SZT2: variants seen among roughly 807,000 people sequenced by gnomAD.
The protein encoded by SZT2 is SZT2 subunit of KICSTOR complex.
SZT2 carries 216 observed loss-of-function variants against 404.2 expected under a neutral mutation model. The ratio of observed to expected loss-of-function variants is 0.53; its 90% CI spans 0.48 to 0.60. The LOEUF is 0.60. Among genes scored for constraint, SZT2 ranks in the 20% least tolerant of loss-of-function variants. The probability of loss-of-function intolerance (pLI) is 0.00; values close to 1 mark genes in which losing one functional copy is unlikely to be tolerated. For synonymous variants in SZT2, 1,693 were observed against 1,749.9 expected (o/e 0.97, Z 0.81); for missense variants, 3,857 against 4,459.2 (o/e 0.86, Z 3.85).
chr1:43,438,664 CA>C (rs1557584636), intron 46 of SZT2, 34 bp from the exon 47 acceptor site: 8 of 1,595,156 alleles, frequency 5.0e-6, no homozygotes, highest in Non-Finnish European at 6.9e-6. Context: ...GATCCTCTAC[CA>C]GTGTCCCCAC....
chr1:43,453,854 CGGGCGGCGGGCGG>C lies in SZT2; in HGVS notation c.*3381_*3393del. On this transcript the variant is annotated 3_prime_UTR_variant, in exon 72 of 72. Transcript: ENST00000634258. ...TCCAAAGGCGGCGGGCGGCGGGCGGCGGGCGGCGGGCGGGGGCGGGGCTCTCCTTGCTGGCCCT... is the reference window on the plus strand; with the variant it reads ...TCCAAAGGCGGCGGGCGGCGGGCGGCGGGCGGGGCTCTCCTTGCTGGCCCT... The C allele has an allele frequency of 1.1e-6, 1 of 921,664 alleles. No individual in the cohort carries two copies. 57.1% of individuals were successfully genotyped at this position (921,664 alleles called of 1,614,324 possible).
chr1:43,399,593 C>G (rs940912249), intron 1 of SZT2, among the ~76,000 whole-genome samples: 40 of 151,390 alleles, frequency 2.6e-4, no homozygotes, highest in Admixed American at 2.2e-3. Context: ...TCCTGAGTAG[C>G]TGGGACTACA....
At chr1:43,410,060 A>G (rs1309490426) in intron 4 of SZT2, 2 of 152,232 alleles carry the variant, frequency 1.3e-5, no homozygotes, top group African/African-American at 4.8e-5. Flanking sequence ...GCATAAAAAC[A>G]GACACATAGA....
In SZT2 at chr1:43,432,327, GCTT is replaced by G. The variant is rs759444473; in HGVS notation, c.5337_5339del (p.Phe1780del). On this transcript the variant is annotated inframe_deletion, in exon 37 of 72. Coordinates refer to ENST00000634258, the MANE Select transcript of SZT2 (RefSeq NM_001365999.1). The stretch of plus-strand genomic sequence containing the variant: ...GTTCTTCTTGAAGACCCTGACAGTG[GCTT>G]CTTCTTTGTGGCAGCTGGCCAACAG... The G allele has an allele frequency of 2.7e-5, 44 of 1,604,778 alleles. No individual in the cohort carries two copies. Among genetic ancestry groups the G allele is most frequent in the Non-Finnish European group, 3.5e-5 (41 of 1,176,412 alleles).
chr1:43,450,300 T>C lies in SZT2; in HGVS notation c.10156-37T>C. ...CTGCCTCCTATCCCCACCCATGCCC[T>C]CCTCTCACCAGTGCATCCCCACCGT... is the stretch of plus-strand genomic sequence containing the variant. On this transcript the variant is annotated intron_variant, in intron 71 of 71. Transcript: ENST00000634258. This position sits in a 1 kb window ranked among gnomAD's most constrained non-coding sequence, Gnocchi z 4.3. The C allele has an allele frequency of 5.0e-6, 8 of 1,613,490 alleles. No individual in the cohort carries two copies. The highest frequency in any genetic ancestry group is 6.8e-6 in the Non-Finnish European group (8 of 1,179,618).
At position 43,451,672 on chromosome 1, in the gene SZT2, T is replaced by C. The variant is rs145419603; in HGVS notation, c.*1192T>C. On this transcript the variant is annotated 3_prime_UTR_variant, in exon 72 of 72. Coordinates refer to ENST00000634258, the MANE Select transcript of SZT2 (RefSeq NM_001365999.1). ...CCAACAATGGGCAGGAACTCCCGGATGTTTCCTGTCAGGTTCCCATCCATG... is the reference window on the plus strand; with the variant it reads ...CCAACAATGGGCAGGAACTCCCGGACGTTTCCTGTCAGGTTCCCATCCATG... 67 of 1,614,156 alleles carry C rather than the reference T, an allele frequency of 4.2e-5. No homozygotes were observed. The highest frequency in any genetic ancestry group is 5.2e-5 in the Non-Finnish European group (61 of 1,180,016).
In SZT2 at chr1:43,404,898, G is replaced by T. The variant is rs536148677; in HGVS notation, c.498+348G>T. 19 of 190,174 alleles carry T rather than the reference G, an allele frequency of 1.0e-4. No homozygotes were observed. The South Asian group carries it at 2.1e-3, about 21-fold the overall frequency. The allele number at this position is 190,174 out of a possible 1,614,324, so 11.8% of individuals were successfully genotyped here. On this transcript the variant is annotated intron_variant, in intron 4 of 71. Coordinates refer to ENST00000634258, the MANE Select transcript of SZT2 (RefSeq NM_001365999.1). ...ATGGTTTGCTGATGCGCTGGCTCTG[G>T]CTAGTACCCTCAGGAGATGGTCTTT...
intron 42 of SZT2, 23 bp downstream of exon 42, chr1:43,435,352 C>A (rs1285238488): frequency 6.2e-7 from 1 of 1,613,192 alleles, no homozygotes; most frequent in Non-Finnish European, 8.5e-7. Context: ...CCAGGAGCCT[C>A]CCTCACAAGG....
chr1:43,453,952 T>G lies in SZT2; in HGVS notation c.*3472T>G, dbSNP rs1656761676. On this transcript the variant is annotated 3_prime_UTR_variant, in exon 72 of 72. Coordinates refer to ENST00000634258, the MANE Select transcript of SZT2 (RefSeq NM_001365999.1). ...CGAAGTGCTGTAAAAACCCGGGCCT[T>G]CACGAAAAGCGCCTACGGTTAGCGA... The G allele has an allele frequency of 8.3e-7, 1 of 1,198,938 alleles. No individual in the cohort carries two copies. Among genetic ancestry groups the G allele is most frequent in the Admixed American group, 4.4e-5 (1 of 22,506 alleles). The allele number at this position is 1,198,938 out of a possible 1,614,324, so 74.3% of individuals were successfully genotyped here.
intron 27 of SZT2, 59 bp downstream of exon 27, chr1:43,428,177 A>G: frequency 6.2e-7 from 1 of 1,611,922 alleles, no homozygotes; most frequent in Admixed American, 1.7e-5. Flanking sequence ...CAGGGATTAC[A>G]GGGTGGGGAC....
chr1:43,452,049 T>C lies in SZT2; in HGVS notation c.*1569T>C. On this transcript the variant is annotated 3_prime_UTR_variant, in exon 72 of 72. Transcript: ENST00000634258. The stretch of plus-strand genomic sequence containing the variant: ...GTCGGGTGCTGTGAATAGAGCTCCT[T>C]CCCAAGTTTGTCCCCCATCAGTCAG... 2 of 1,579,994 alleles carry C rather than the reference T, an allele frequency of 1.3e-6. No individual in the cohort carries two copies. Among genetic ancestry groups the C allele is most frequent in the Non-Finnish European group, 1.7e-6 (2 of 1,157,622 alleles).
chr1:43,423,095 T>G lies in SZT2; in HGVS notation c.2038-4T>G, dbSNP rs1333109691. On this transcript the variant is annotated splice_polypyrimidine_tract_variant and splice_region_variant and intron_variant, in intron 14 of 71. Transcript: ENST00000634258. ...AAGAGGATGTGACCACATTTTCCCC[T>G]CAGATTGTGTCAGGCTTGAGGGAAG... The G allele has an allele frequency of 3.8e-6, 6 of 1,583,286 alleles. No individual in the cohort carries two copies. The highest frequency in any genetic ancestry group is 5.1e-6 in the Non-Finnish European group (6 of 1,172,724).
intron 1 of SZT2, among the ~76,000 whole-genome samples, chr1:43,392,559 C>T (rs952325277): frequency 2.0e-5 from 3 of 152,076 alleles, no homozygotes; most frequent in Admixed American, 6.5e-5. Flanking sequence ...GGACTACAGG[C>T]GCCTGCTACC....
chr1:43,423,829 C>A (rs1311542694), intron 15 of SZT2, among the ~76,000 whole-genome samples: 1 of 146,566 alleles, frequency 6.8e-6, no homozygotes, highest in African/African-American at 2.6e-5. Context: ...TATGGAAGGG[C>A]GTGGCTTAGC....
At chr1:43,445,457 C>T (rs946753579) in intron 62 of SZT2, 10 of 261,320 alleles carry the variant, frequency 3.8e-5, no homozygotes, top group South Asian at 2.9e-4. Flanking sequence ...TAAACTGTAA[C>T]GAGCAGTAGG....
In SZT2 at chr1:43,450,076, G is replaced by C. The variant is rs554695996; in HGVS notation, c.10087-27G>C. On this transcript the variant is annotated intron_variant, in intron 70 of 71. Transcript: ENST00000634258. The surrounding 1 kb of genome is among the most constrained non-coding windows in gnomAD (Gnocchi z 4.3). ...CCCTGTGGGAGGGTCTGTAGGGTCT[G>C]TGTCCCCTCCTCATCTTTCACTGCA... 2 of 1,613,844 alleles carry C rather than the reference G, an allele frequency of 1.2e-6. No homozygotes were observed. The highest frequency in any genetic ancestry group is 4.5e-5 in the East Asian group (2 of 44,884).
At chr1:43,411,769 C>CTTTTTTTTTTT (rs386366817) in intron 4 of SZT2, among the ~76,000 whole-genome samples, 2 of 74,046 alleles carry the variant, frequency 2.7e-5, no homozygotes, top group Non-Finnish European at 4.8e-5. Flanking sequence ...CATCCACTAT[C>CTTTTTTTTTTT]TTTTTTTTTT....
chr1:43,403,074 A>G (rs1649873991), intron 1 of SZT2, 103 bp from the exon 2 acceptor site: 2 of 1,283,488 alleles, frequency 1.6e-6, no homozygotes, highest in East Asian at 2.3e-5. Flanking sequence ...TTTCCCTCTC[A>G]TTGATGGTGA....
chr1:43,429,624 C>T (rs1200390868), intron 28 of SZT2, 79 bp from the exon 29 acceptor site: 4 of 1,579,366 alleles, frequency 2.5e-6, no homozygotes, highest in Non-Finnish European at 2.6e-6. Context: ...GCTTCCTGTG[C>T]TGCTCCCCAG....
Sources: gnomAD v4.1 joint callset for allele counts (sites outside exome capture counted in the v4.1 genomes callset) on GRCh38, gnomAD v4.1.1 for gene constraint, Gnocchi (gnomAD v3.1) non-coding constraint, MANE v1.5 for transcripts, NCBI Gene and HGNC (gene_info 2026-07-23, HGNC 2026-07-21) for gene names.